Variants in SLC9A9 observed in about 807,000 individuals in gnomAD.
SLC9A9 encodes the protein sodium/hydrogen exchanger 9.
Under a neutral mutation model 77.8 loss-of-function variants are expected in SLC9A9, and 62 were observed. The ratio of observed to expected loss-of-function variants is 0.80; its 90% CI spans 0.65 to 0.98. The LOEUF is 0.98. SLC9A9 is among the 50% of genes least tolerant of loss of function. The pLI is 0.00. For synonymous variants in SLC9A9, 320 were observed against 283.5 expected, an observed-to-expected ratio of 1.13 and a Z score of -1.29; for missense variants, 775 against 774.9, an observed-to-expected ratio of 1.00 and a Z score of 0.00.
intron 14 of SLC9A9, chr3:143,314,528 C>T (rs372549120): frequency 1.3e-5 from 2 of 152,322 alleles, no homozygotes; most frequent in South Asian, 2.1e-4. Context: ...TAGCAAGTAT[C>T]GCTACAAATG....
intron 6 of SLC9A9, among the ~76,000 whole-genome samples, chr3:143,599,521 G>A (rs879926973): frequency 2.6e-5 from 4 of 152,060 alleles, no homozygotes; most frequent in East Asian, 1.9e-4. Context: ...CACAGAAGCC[G>A]TGGGGCTTTA....
At chr3:143,660,327 TTG>T (rs918889357) in intron 5 of SLC9A9, among the ~76,000 whole-genome samples, 2 of 152,216 alleles carry the variant, frequency 1.3e-5, no homozygotes, top group Non-Finnish European at 2.9e-5. Context: ...CACACTGTTC[TTG>T]GCTCTGAGAT....
chr3:143,801,530 T>C (rs747732955), intron 2 of SLC9A9, among the ~76,000 whole-genome samples: 13 of 152,118 alleles, frequency 8.5e-5, no homozygotes, highest in Non-Finnish European at 1.9e-4. Flanking sequence ...GCCTCCCACA[T>C]TATTCCGGAT....
chr3:143,342,085 C>T (rs1372687886), intron 14 of SLC9A9, among the ~76,000 whole-genome samples: 1 of 152,166 alleles, frequency 6.6e-6, no homozygotes. Flanking sequence ...AAGGTGGAAA[C>T]GTGGAAACTA....
intron 2 of SLC9A9, among the ~76,000 whole-genome samples, chr3:143,815,415 G>A (rs368012533): frequency 1.8e-4 from 27 of 152,254 alleles, no homozygotes; most frequent in South Asian, 8.3e-4. Flanking sequence ...GGGGAGAAGC[G>A]TGGCAGTAAT....
In SLC9A9 at chr3:143,498,788, T is replaced by A. The variant is rs145786283; in HGVS notation, c.1090-3340A>T. On this transcript the variant is annotated intron_variant, in intron 9 of 15. Coordinates refer to ENST00000316549, the MANE Select transcript of SLC9A9 (RefSeq NM_173653.4). ...ACCACCACAAATTAGCTTTTCTTGT[T>A]TTTCAGTTTTATATGAATGGAATTG... 2.3e-3 allele frequency among the ~76,000 whole-genome samples: 354 copies of A among 152,274 alleles called. 4 individuals carry two copies. The highest frequency in any genetic ancestry group is 8.1e-3 in the African/African-American group (335 of 41,564).
intron 5 of SLC9A9, among the ~76,000 whole-genome samples, chr3:143,678,513 G>A (rs184830832): frequency 5.9e-5 from 9 of 152,286 alleles, no homozygotes; most frequent in Admixed American, 4.6e-4. Flanking sequence ...TGGATAGCCA[G>A]TGAATTGTGC....
chr3:143,545,364 GTTGT>G (rs150772422), intron 9 of SLC9A9, among the ~76,000 whole-genome samples: 5,713 of 152,160 alleles, frequency 0.038, 149 homozygotes, highest in South Asian at 0.092. Flanking sequence ...GCCACATGTG[GTTGT>G]TTGTGCATGT....
At chr3:143,288,014 G>C (rs942572131) in intron 14 of SLC9A9, among the ~76,000 whole-genome samples, 3 of 152,120 alleles carry the variant, frequency 2.0e-5, no homozygotes, top group African/African-American at 7.2e-5. Context: ...ATTCAGAAAA[G>C]CTGAAGTGGA....
chr3:143,466,450 C>T (rs1250041315), intron 12 of SLC9A9, among the ~76,000 whole-genome samples: 1 of 152,202 alleles, frequency 6.6e-6, no homozygotes, highest in South Asian at 2.1e-4. Context: ...AGGTTTATAG[C>T]AATCATCTTC....
intron 4 of SLC9A9, among the ~76,000 whole-genome samples, chr3:143,737,153 C>T (rs1576691953): frequency 6.6e-6 from 1 of 152,116 alleles, no homozygotes; most frequent in African/African-American, 2.4e-5. Context: ...AAGGAGCATG[C>T]TTTCTAGATC....
Position 143,796,818 on chromosome 3 carries a change from A to G in SLC9A9, c.456+8T>C. ...GATAAAAGAAGAAAATGATCACTAT[A>G]TATTTACCTTCTTTAGACTATATCC... On this transcript the variant is annotated splice_region_variant and intron_variant, in intron 3 of 15. Coordinates refer to ENST00000316549, the MANE Select transcript of SLC9A9 (RefSeq NM_173653.4). 1.9e-6 allele frequency: 3 copies of G among 1,587,128 alleles called. No homozygotes were observed. The highest frequency in any genetic ancestry group is 1.7e-6 in the Non-Finnish European group (2 of 1,157,662).
intron 14 of SLC9A9, among the ~76,000 whole-genome samples, chr3:143,325,490 T>A (rs2031565298): frequency 6.6e-6 from 1 of 152,242 alleles, no homozygotes. Flanking sequence ...AGCCTGGCTG[T>A]CCTTGTGTTT....
At chr3:143,382,689 C>T (rs796866396) in intron 12 of SLC9A9, among the ~76,000 whole-genome samples, 30 of 151,874 alleles carry the variant, frequency 2.0e-4, no homozygotes, top group African/African-American at 7.2e-4. Flanking sequence ...GGATAAGTTA[C>T]AAAAAAAATT....
intron 14 of SLC9A9, among the ~76,000 whole-genome samples, chr3:143,304,029 G>A (rs1212156829): frequency 6.6e-6 from 1 of 152,168 alleles, no homozygotes; most frequent in Non-Finnish European, 1.5e-5. Context: ...ACTGAATGGG[G>A]GAAAGAGGAT....
intron 12 of SLC9A9, among the ~76,000 whole-genome samples, chr3:143,395,307 A>G (rs2033698397): frequency 6.6e-6 from 1 of 152,240 alleles, no homozygotes; most frequent in Admixed American, 6.5e-5. Flanking sequence ...ATCTATAGCC[A>G]TCTGATCTTG....
chr3:143,774,214 T>C (rs968362555), intron 4 of SLC9A9, among the ~76,000 whole-genome samples: 1 of 152,202 alleles, frequency 6.6e-6, no homozygotes, highest in African/African-American at 2.4e-5. Flanking sequence ...ATATAATAAC[T>C]ACAGGCCAAC....
chr3:143,718,051 C>T (rs1934399327), intron 4 of SLC9A9, among the ~76,000 whole-genome samples: 1 of 150,894 alleles, frequency 6.6e-6, no homozygotes. Context: ...AAGTTCAAGC[C>T]ACACAAGTTA....
chr3:143,370,567 GCACACACACA>G lies in SLC9A9; in HGVS notation c.1525-7014_1525-7005del, dbSNP rs57705324. Reference sequence around the variant, plus strand: ...TGTACACAAGTATATGCATGTGCGCGCACACACACACACACACACACACACACACACACAC... The same window carrying G: ...TGTACACAAGTATATGCATGTGCGCGCACACACACACACACACACACACAC... On this transcript the variant is annotated intron_variant, in intron 13 of 15. Coordinates refer to ENST00000316549, the MANE Select transcript of SLC9A9 (RefSeq NM_173653.4). Among the ~76,000 whole-genome samples, 156 of 143,404 alleles carry G rather than the reference GCACACACACA, an allele frequency of 1.1e-3. 1 individual carries two copies. The highest frequency in any genetic ancestry group is 2.1e-3 in the East Asian group (10 of 4,714). The allele number at this position is 143,404 out of a possible 152,430, so 94.1% of individuals were successfully genotyped here.
Sources: gnomAD v4.1 joint callset for allele counts (sites outside exome capture counted in the v4.1 genomes callset) on GRCh38, gnomAD v4.1.1 for gene constraint, MANE v1.5 for transcripts, NCBI Gene and HGNC (gene_info 2026-07-23, HGNC 2026-07-21) for gene names.